FAAH2: variants seen among roughly 807,000 people sequenced by gnomAD.
FAAH2 encodes the protein fatty acid amide hydrolase 2, also known as fatty-acid amide hydrolase 2.
In FAAH2, 60 loss-of-function variants were observed where a neutral mutation model predicts 36.9. The ratio of observed to expected loss-of-function variants is 1.63; its 90% confidence interval spans 1.32 to 2.02. The LOEUF (loss-of-function observed/expected upper bound fraction) is 2.02. FAAH2 is among the 30% of genes most tolerant of loss of function. The probability of loss-of-function intolerance (pLI) is 0.00; values close to 1 mark genes in which losing one functional copy is unlikely to be tolerated. For synonymous variants in FAAH2, 214 were observed against 143.8 expected (o/e 1.49, Z -3.49); for missense variants, 689 against 397.5 (o/e 1.73, Z -6.23).
At chrX:57,135,791 C>T in the FAAH2 span, 292 of 1,165,705 alleles carry the variant, frequency 2.5e-4, 2 homozygotes, top group East Asian at 8.4e-3. Flanking sequence ...ACATTTGTTT[C>T]CACACATGTG....
intron 10 of FAAH2, among the ~76,000 whole-genome samples, chrX:57,485,722 A>G (rs1490497002): frequency 1.8e-5 from 2 of 111,789 alleles, no homozygotes; most frequent in Non-Finnish European, 3.8e-5. Context: ...CAGTCATTTC[A>G]TAGATCTCTA....
At chrX:57,312,521 GA>G (rs997223900) in intron 3 of FAAH2, among the ~76,000 whole-genome samples, 21 of 109,006 alleles carry the variant, frequency 1.9e-4, no homozygotes, top group African/African-American at 6.0e-4. Context: ...AAAAATACAA[GA>G]AAAAAAAATT....
chrX:57,223,112 C>CA, the FAAH2 span, among the ~76,000 whole-genome samples: 1 of 112,233 alleles, frequency 8.9e-6, no homozygotes, highest in Non-Finnish European at 1.9e-5. Context: ...TTCCTAATTG[C>CA]AAAAAACACT....
At chrX:57,417,616 G>T (rs1350898716) in intron 7 of FAAH2, among the ~76,000 whole-genome samples, 3 of 111,656 alleles carry the variant, frequency 2.7e-5, no homozygotes, top group Non-Finnish European at 5.6e-5. Flanking sequence ...TCTCTCAGCG[G>T]GGCAACTTCC....
intron 2 of FAAH2, among the ~76,000 whole-genome samples, chrX:57,299,367 T>G (rs1315644504): frequency 8.9e-6 from 1 of 111,914 alleles, no homozygotes; most frequent in Non-Finnish European, 1.9e-5. Flanking sequence ...CATGATTATC[T>G]CAATAGATGC....
At chrX:57,136,928 G>T in the FAAH2 span, 1 of 768,766 alleles carries the variant, frequency 1.3e-6, no homozygotes, top group Non-Finnish European at 1.8e-6. Flanking sequence ...CCCCTGCAAA[G>T]CGGCCTTGAC....
chrX:57,294,002 C>CT (rs2052061448), intron 2 of FAAH2, among the ~76,000 whole-genome samples: 1 of 111,940 alleles, frequency 8.9e-6, no homozygotes, highest in African/African-American at 3.2e-5. Context: ...GACATCTGTG[C>CT]TTTTTTCCTC....
intron 7 of FAAH2, among the ~76,000 whole-genome samples, chrX:57,403,729 T>C (rs1039307542): frequency 5.3e-5 from 6 of 112,284 alleles, no homozygotes; most frequent in Non-Finnish European, 9.4e-5. Context: ...AATTATTGAA[T>C]ACCCATTGTG....
At chrX:57,280,200 C>T in the FAAH2 span, among the ~76,000 whole-genome samples, 2 of 110,223 alleles carry the variant, frequency 1.8e-5, no homozygotes, top group Admixed American at 9.7e-5. Context: ...CAATGGAATC[C>T]TAATAAAAAT....
intron 10 of FAAH2, among the ~76,000 whole-genome samples, chrX:57,474,510 C>A (rs2057229365): frequency 9.0e-6 from 1 of 111,623 alleles, no homozygotes; most frequent in African/African-American, 3.3e-5. Context: ...CTGCCAGCTT[C>A]ATCCATGTTC....
At chrX:57,156,631 A>T in the FAAH2 span, among the ~76,000 whole-genome samples, 1 of 111,948 alleles carries the variant, frequency 8.9e-6, no homozygotes, top group Non-Finnish European at 1.9e-5. Flanking sequence ...GTATGCTGCA[A>T]CTCTTGCATT....
At chrX:57,237,227 A>G in the FAAH2 span, among the ~76,000 whole-genome samples, 1 of 111,386 alleles carries the variant, frequency 9.0e-6, no homozygotes. Context: ...TTTTATTTTT[A>G]TACAAGTACC....
chrX:57,463,768 G>A (rs2057001343), intron 10 of FAAH2, among the ~76,000 whole-genome samples: 2 of 111,822 alleles, frequency 1.8e-5, no homozygotes, highest in Non-Finnish European at 3.8e-5. Context: ...TGCTGGTCAG[G>A]ATGTGGAGAA....
At chrX:57,135,169 C>T in the FAAH2 span, 1 of 114,644 alleles carries the variant, frequency 8.7e-6, no homozygotes, top group African/African-American at 3.3e-5. Flanking sequence ...AACACCCTAA[C>T]CCACATAGCC....
At chrX:57,488,640 G>A (rs2057517187) in intron 10 of FAAH2, 117 bp from the exon 11 acceptor site, 8 of 720,481 alleles carry the variant, frequency 1.1e-5, no homozygotes, top group Non-Finnish European at 1.6e-5. Flanking sequence ...TAAGTCCTAA[G>A]TAGATAGTAA....
At chrX:57,257,636 A>G in the FAAH2 span, among the ~76,000 whole-genome samples, 1 of 110,768 alleles carries the variant, frequency 9.0e-6, no homozygotes, top group Non-Finnish European at 1.9e-5. Flanking sequence ...ACACGTGTAT[A>G]CCTATGTAAA....
intron 5 of FAAH2, among the ~76,000 whole-genome samples, chrX:57,356,222 A>G (rs763565559): frequency 9.0e-6 from 1 of 110,959 alleles, no homozygotes; most frequent in African/African-American, 3.3e-5. Flanking sequence ...ATTGGTCTAT[A>G]GTTTTCTTGT....
intron 5 of FAAH2, among the ~76,000 whole-genome samples, chrX:57,352,067 C>T (rs11091647): frequency 0.29 from 1,944 of 6,622 alleles, 295 homozygotes; most frequent in South Asian, 0.52. Context: ...TATATATATA[C>T]ACATATATAT....
chrX:57,150,631 C>G, the FAAH2 span, among the ~76,000 whole-genome samples: 1 of 111,798 alleles, frequency 8.9e-6, no homozygotes, highest in Non-Finnish European at 1.9e-5. Context: ...TCCTCCATCC[C>G]TTTATTTTGA....
Sources: gnomAD v4.1 joint callset for allele counts (sites outside exome capture counted in the v4.1 genomes callset) on GRCh38, gnomAD v4.1.1 for gene constraint, MANE v1.5 for transcripts, NCBI Gene and HGNC (gene_info 2026-07-23, HGNC 2026-07-21) for gene names.